NECAB3: variants seen among roughly 807,000 people sequenced by gnomAD.
NECAB3 encodes N-terminal EF-hand calcium-binding protein 3.
A neutral mutation model predicts 57.2 loss-of-function variants in NECAB3; 38 were observed. That is an observed-to-expected ratio of 0.66 (90% CI 0.51 to 0.87). The LOEUF (loss-of-function observed/expected upper bound fraction) is 0.87. Ranked by LOEUF, NECAB3 falls within the 40% of genes least tolerant of loss-of-function variation. The pLI is 0.00. For synonymous variants in NECAB3, 223 were observed against 222.6 expected, an observed-to-expected ratio of 1.00 and a Z score of -0.02; for missense variants, 474 against 527.5, an observed-to-expected ratio of 0.90 and a Z score of 0.99.
chr20:33,672,135 C>A, intron 2 of NECAB3: 1 of 557,646 alleles, frequency 1.8e-6, no homozygotes. Flanking sequence ...ACAGGAAGTG[C>A]CCATCACCAT....
chr20:33,658,984 G>T (rs1249331238), intron 8 of NECAB3, 150 bp from the exon 9 acceptor site: 5 of 625,286 alleles, frequency 8.0e-6, no homozygotes, highest in Non-Finnish European at 1.4e-5. Context: ...GCAGTGGTGT[G>T]TGGGATCACG....
At position 33,658,792 on chromosome 20, in the gene NECAB3, C is replaced by T; in HGVS notation, c.922G>A (p.Gly308Ser). 1 of 1,613,388 alleles carries T rather than the reference C, an allele frequency of 6.2e-7. No individual in the cohort carries two copies. Among genetic ancestry groups the T allele is most frequent in the South Asian group, 1.1e-5 (1 of 91,076 alleles). The change falls in exon 9 of 12, where the codon GGC (glycine) becomes AGC (serine). Residue 308 changes from glycine (G) to serine (S), a missense_variant. By Grantham distance (56) the Gly-to-Ser change is moderately conservative. Transcript: ENST00000246190. ...AQRQVQVAEE[G>S]LQDFHRALRC... is the part of the protein sequence containing the mutation. ...AGGGCTCGGTGGAAGTCCTGCAGGCCTTCCTCTGCCACCTGGACCTGCCTC... is the reference window on the plus strand; with the variant it reads ...AGGGCTCGGTGGAAGTCCTGCAGGCTTTCCTCTGCCACCTGGACCTGCCTC...
At chr20:33,664,493 C>T (rs2017591941) in intron 5 of NECAB3, 2 of 188,016 alleles carry the variant, frequency 1.1e-5, no homozygotes, top group South Asian at 2.3e-4. Flanking sequence ...CACCTGTCTC[C>T]CAACCTACCC....
At chr20:33,674,453 C>A, upstream of NECAB3, 5 of 981,158 alleles carry the variant, frequency 5.1e-6, no homozygotes, top group Non-Finnish European at 6.1e-6. Context: ...CCGGCGCCGA[C>A]GCGCGGGCTC....
intron 5 of NECAB3, chr20:33,664,052 T>G: frequency 1.9e-6 from 1 of 539,432 alleles, no homozygotes; most frequent in Non-Finnish European, 3.1e-6. Context: ...TGTCTTTTGC[T>G]TTCTCCTTCC....
At chr20:33,672,223 A>G in intron 2 of NECAB3, 175 bp downstream of exon 2, 1 of 750,324 alleles carries the variant, frequency 1.3e-6, no homozygotes, top group South Asian at 1.7e-5. Context: ...CCATCCTGCC[A>G]AACTTGGCTG....
rs2122463424 is a variant in NECAB3, at chr20:33,660,385, C to T, written c.398G>A (p.Arg133Lys). ...AMDATKLEYE[R>K]ASKVDQFVTR... Reference sequence around the variant, plus strand: ...CACAAACTGGTCCACTTTGGAGGCCCTCTCGTACTCCTGTGGGCCAAGGAG... The same window carrying T: ...CACAAACTGGTCCACTTTGGAGGCCTTCTCGTACTCCTGTGGGCCAAGGAG... Residue 133 changes from arginine to lysine, a missense_variant, in exon 6 of 12, where the codon AGG becomes AAG. Transcript: ENST00000246190. This position sits in a 1 kb window ranked among gnomAD's most constrained non-coding sequence, Gnocchi z 4.1. The T allele has an allele frequency of 6.2e-7, 1 of 1,613,722 alleles. No homozygotes were observed. The highest frequency in any genetic ancestry group is 8.5e-7 in the Non-Finnish European group (1 of 1,179,952).
chr20:33,663,348 G>C (rs915519687), intron 5 of NECAB3: 24 of 612,638 alleles, frequency 3.9e-5, no homozygotes, highest in Middle Eastern at 4.4e-4. Flanking sequence ...AGGGAAGGGC[G>C]GGCTTCCCCG....
At chr20:33,667,890 C>A in intron 5 of NECAB3, 1 of 1,587,862 alleles carries the variant, frequency 6.3e-7, no homozygotes, top group Non-Finnish European at 8.6e-7. Context: ...TCCAGCCGGG[C>A]CTGCTGGGCC....
At chr20:33,667,888 G>A (rs1348684303) in intron 5 of NECAB3, 2 of 1,587,896 alleles carry the variant, frequency 1.3e-6, no homozygotes, top group African/African-American at 1.3e-5. Flanking sequence ...CTTCCAGCCG[G>A]GCCTGCTGGG....
rs974959473 is a variant in NECAB3, at chr20:33,660,950, C to T, written c.388-555G>A. The stretch of plus-strand genomic sequence containing the variant: ...ACGCCGGCACTGACCCCAACCGACA[C>T]TGCCAGCCTCCTCCCAGCCCCTCTC... On this transcript the variant is annotated intron_variant, in intron 5 of 11. Transcript: ENST00000246190. This position sits in a 1 kb window ranked among gnomAD's most constrained non-coding sequence, Gnocchi z 4.1. 3.9e-5 allele frequency among the ~76,000 whole-genome samples: 6 copies of T among 152,202 alleles called. No homozygotes were observed. Among genetic ancestry groups the T allele is most frequent in the East Asian group, 1.9e-4 (1 of 5,184 alleles).
rs1208606743 is a variant in NECAB3 at position 33,672,378 on chromosome 20, C to G, written c.154+20G>C. ...CTCCCACCCTGCCCCACTGTGGGAC[C>G]CAGGGGAAGCCACACTCACCATTCT... On this transcript the variant is annotated intron_variant, in intron 2 of 11. Transcript: ENST00000246190. 5 of 1,614,132 alleles carry G rather than the reference C, an allele frequency of 3.1e-6. No homozygotes were observed. The highest frequency in any genetic ancestry group is 4.2e-6 in the Non-Finnish European group (5 of 1,179,994).
At chr20:33,668,537 G>A in intron 5 of NECAB3, 1 of 338,296 alleles carries the variant, frequency 3.0e-6, no homozygotes, top group Non-Finnish European at 5.6e-6. Flanking sequence ...AGATATGGGA[G>A]TTCCTCCAAA....
chr20:33,663,969 C>T (rs951108480), intron 5 of NECAB3: 1 of 1,075,640 alleles, frequency 9.3e-7, no homozygotes, highest in Non-Finnish European at 1.2e-6. Context: ...GGGCAAAGCT[C>T]AGCCTAGGAG....
intron 5 of NECAB3, chr20:33,669,078 C>G (rs554762168): frequency 6.8e-5 from 27 of 394,810 alleles, no homozygotes; most frequent in Admixed American, 1.3e-4. Context: ...GTATGAAGCA[C>G]CCAGTGTATG....
At chr20:33,663,002 TGA>T (rs1223125752) in intron 5 of NECAB3, among the ~76,000 whole-genome samples, 1 of 152,092 alleles carries the variant, frequency 6.6e-6, no homozygotes, top group African/African-American at 2.4e-5. Flanking sequence ...GGATGAGACT[TGA>T]GAGCCCCGGG....
intron 5 of NECAB3, chr20:33,663,539 T>G: frequency 6.2e-7 from 1 of 1,609,480 alleles, no homozygotes; most frequent in Non-Finnish European, 8.5e-7. Context: ...CAGACCAGGA[T>G]CGTGCTGATT....
chr20:33,663,694 C>G, intron 5 of NECAB3: 2 of 1,575,520 alleles, frequency 1.3e-6, no homozygotes, highest in Non-Finnish European at 1.7e-6. Flanking sequence ...GCCGGTACTG[C>G]TGCTGCTGCG....
rs41290876 is a variant in NECAB3, at chr20:33,659,411, T to G, written c.879+86A>C. ...GGGGCACATGCGCACTGCAGAGGGTTGGTGGGCAACCGGCCCCATGAATCC... is the reference window on the plus strand; with the variant it reads ...GGGGCACATGCGCACTGCAGAGGGTGGGTGGGCAACCGGCCCCATGAATCC... On this transcript the variant is annotated intron_variant, in intron 8 of 11. Transcript: ENST00000246190. 1.3e-3 allele frequency: 1,615 copies of G among 1,231,524 alleles called. 11 individuals are homozygous for G. The African/African-American group carries it at 0.02, about 16-fold the overall frequency. The allele number at this position is 1,231,524 out of a possible 1,614,324, so 76.3% of individuals were successfully genotyped here.
Sources: gnomAD v4.1 joint callset for allele counts (sites outside exome capture counted in the v4.1 genomes callset) on GRCh38, gnomAD v4.1.1 for gene constraint, Gnocchi (gnomAD v3.1) non-coding constraint, MANE v1.5 for transcripts, NCBI Gene and HGNC (gene_info 2026-07-23, HGNC 2026-07-21) for gene names.